The following FABP9 variants were observed in gnomAD, a reference collection of about 807,000 sequenced individuals.
FABP9 encodes the protein fatty acid binding protein 9, also known as fatty acid-binding protein 9.
A neutral mutation model predicts 14.7 loss-of-function variants in FABP9; 11 were observed. That is an observed-to-expected ratio of 0.75 (90% CI 0.47 to 1.24). The LOEUF (loss-of-function observed/expected upper bound fraction) is 1.24, where lower values mean the gene tolerates loss of function less well. Among genes scored for constraint, FABP9 ranks in the 50% most tolerant of loss-of-function variants. The probability of loss-of-function intolerance (pLI) is 0.00; values close to 1 mark genes in which losing one functional copy is unlikely to be tolerated. For missense variants in FABP9, 171 were observed against 158.2 expected, an observed-to-expected ratio of 1.08 and a Z score of -0.44; for synonymous variants, 54 against 50.6, an observed-to-expected ratio of 1.07 and a Z score of -0.29.
intron 3 of FABP9, 30 bp downstream of exon 3, chr8:81,458,572 T>A (rs375055666): frequency 6.5e-7 from 1 of 1,536,744 alleles, no homozygotes; most frequent in Admixed American, 1.7e-5. Flanking sequence ...AATAGGAACA[T>A]ATAAAGACTT....
chr8:81,459,149 AAGAATT>A lies in FABP9; in HGVS notation c.246+10_246+15del, dbSNP rs1248117895. On this transcript the variant is annotated intron_variant, in intron 2 of 3. Coordinates refer to ENST00000379071, the MANE Select transcript of FABP9 (RefSeq NM_001080526.2). ...TTTTTCCTGATTGTTGAACACCAGGAAGAATTAGTTCTGACCTTTACTTTCCGGTTG... is the reference window on the plus strand; with the variant it reads ...TTTTTCCTGATTGTTGAACACCAGGAAGTTCTGACCTTTACTTTCCGGTTG... 2 of 1,564,456 alleles carry A rather than the reference AAGAATT, an allele frequency of 1.3e-6. No homozygotes were observed. The highest frequency in any genetic ancestry group is 1.7e-6 in the Non-Finnish European group (2 of 1,164,774).
intron 1 of FABP9, 81 bp from the exon 2 acceptor site, chr8:81,459,418 C>T: frequency 1.5e-6 from 2 of 1,324,340 alleles, no homozygotes; most frequent in Non-Finnish European, 2.0e-6. Context: ...AGAATGCTTA[C>T]TTTACCTATT....
At chr8:81,458,459 A>G (rs1206275599) in intron 3 of FABP9, 26 bp from the exon 4 acceptor site, 1 of 1,591,386 alleles carries the variant, frequency 6.3e-7, no homozygotes. Flanking sequence ...AATCTATTAG[A>G]GCTGGTAGAT....
intron 2 of FABP9, among the ~76,000 whole-genome samples, 183 bp from the exon 3 acceptor site, chr8:81,458,886 G>T (rs1807639578): frequency 6.6e-6 from 1 of 152,102 alleles, no homozygotes. Context: ...CTCTTTCCTA[G>T]GCAAACAATG....
At chr8:81,460,730 A>G (rs1208221469) in intron 1 of FABP9, among the ~76,000 whole-genome samples, 1 of 152,218 alleles carries the variant, frequency 6.6e-6, no homozygotes, top group Non-Finnish European at 1.5e-5. Context: ...ACAGTTTACT[A>G]CAAGGGAGGT....
intron 1 of FABP9, 29 bp downstream of exon 1, chr8:81,461,422 A>T: frequency 1.3e-6 from 2 of 1,510,298 alleles, no homozygotes; most frequent in Non-Finnish European, 1.8e-6. Flanking sequence ...TGCTTTGCCA[A>T]TTTCCAAATT....
chr8:81,459,986 T>TGTTTG (rs11427570), intron 1 of FABP9, among the ~76,000 whole-genome samples: 3 of 151,730 alleles, frequency 2.0e-5, no homozygotes, highest in African/African-American at 7.3e-5. Context: ...CAAGTTTTTT[T>TGTTTG]TTTGTTTGTT....
chr8:81,459,820 G>C (rs577301489), intron 1 of FABP9, among the ~76,000 whole-genome samples: 6 of 152,296 alleles, frequency 3.9e-5, no homozygotes, highest in Non-Finnish European at 8.8e-5. Context: ...TCTTACTGTA[G>C]AGAAGCAGTG....
intron 1 of FABP9, 31 bp from the exon 2 acceptor site, chr8:81,459,368 T>G (rs1385743897): frequency 2.0e-5 from 30 of 1,470,512 alleles, no homozygotes; most frequent in Non-Finnish European, 2.5e-5. Context: ...TGGACCTTAT[T>G]AAGACATTGT....
intron 1 of FABP9, among the ~76,000 whole-genome samples, chr8:81,459,650 T>A (rs1268404878): frequency 6.6e-6 from 1 of 152,138 alleles, no homozygotes; most frequent in Non-Finnish European, 1.5e-5. Flanking sequence ...ACCTTGTGGG[T>A]GCGGGAGGAG....
intron 1 of FABP9, among the ~76,000 whole-genome samples, chr8:81,460,376 G>A (rs1807672714): frequency 6.6e-6 from 1 of 152,172 alleles, no homozygotes; most frequent in Non-Finnish European, 1.5e-5. Context: ...TGTTATTCTT[G>A]CTTGTATTAT....
chr8:81,458,745 T>G (rs1807636024), intron 2 of FABP9, 42 bp from the exon 3 acceptor site: 1 of 1,313,488 alleles, frequency 7.6e-7, no homozygotes, highest in Non-Finnish European at 1.1e-6. Flanking sequence ...ACTCACTACC[T>G]TCTAACCTAC....
intron 3 of FABP9, 77 bp downstream of exon 3, chr8:81,458,525 T>C (rs2129740225): frequency 2.7e-6 from 4 of 1,489,016 alleles, no homozygotes; most frequent in East Asian, 4.5e-5. Context: ...TAATTCAGGA[T>C]GCAAAAACAA....
chr8:81,460,907 G>C (rs1807681902), intron 1 of FABP9, among the ~76,000 whole-genome samples: 1 of 152,130 alleles, frequency 6.6e-6, no homozygotes, highest in South Asian at 2.1e-4. Context: ...ATATCCAGTG[G>C]TGAGACATTC....
rs1807638991 is a variant in FABP9, at chr8:81,458,848, G to T, written c.247-145C>A. ...GTCATGATGTAGTACTATCAAACTA[G>T]AAGTCTCAAGAGATTATTCAATTAG... On this transcript the variant is annotated intron_variant, in intron 2 of 3. Coordinates refer to ENST00000379071, the MANE Select transcript of FABP9 (RefSeq NM_001080526.2). 6.2e-6 allele frequency: 4 copies of T among 640,282 alleles called. 1 individual carries two copies. In the South Asian group the frequency reaches 8.3e-5, roughly 13 times the overall value. The allele number at this position is 640,282 out of a possible 1,614,324, so 39.7% of individuals were successfully genotyped here. A position where few individuals can be genotyped will look rare whatever the true frequency, so the allele number is the denominator to read the frequency against.
chr8:81,460,465 T>TA (rs1203703258), intron 1 of FABP9, among the ~76,000 whole-genome samples: 1 of 152,218 alleles, frequency 6.6e-6, no homozygotes, highest in Non-Finnish European at 1.5e-5. Flanking sequence ...CCCCAATTTT[T>TA]ATTCAAAACA....
chr8:81,460,623 C>T (rs1338702646), intron 1 of FABP9, among the ~76,000 whole-genome samples: 1 of 151,924 alleles, frequency 6.6e-6, no homozygotes, highest in Non-Finnish European at 1.5e-5. Context: ...ATTTCATTGT[C>T]TAGAATGAGT....
chr8:81,458,845 C>T, intron 2 of FABP9, 142 bp from the exon 3 acceptor site: 1 of 646,842 alleles, frequency 1.5e-6, no homozygotes, highest in East Asian at 2.8e-5. Context: ...TACTATCAAA[C>T]TAGAAGTCTC....
chr8:81,460,151 C>T (rs1355213485), intron 1 of FABP9, among the ~76,000 whole-genome samples: 1 of 152,114 alleles, frequency 6.6e-6, no homozygotes, highest in Non-Finnish European at 1.5e-5. Flanking sequence ...AGGCACATGC[C>T]ACCATGCCCA....
Sources: allele counts gnomAD v4.1 joint callset (sites outside exome capture counted in the v4.1 genomes callset), GRCh38; gene constraint gnomAD v4.1.1; transcripts MANE v1.5; gene names NCBI Gene and HGNC (gene_info 2026-07-23, HGNC 2026-07-21).